Variants in SPEN observed in about 807,000 individuals in gnomAD.
SPEN encodes the protein msx2-interacting protein.
Under a neutral mutation model 269.9 loss-of-function variants are expected in SPEN, and 18 were observed. The observed-to-expected ratio is 0.07, with a 90% confidence interval of 0.05 to 0.10. The LOEUF is 0.10. Among genes scored for constraint, SPEN ranks in the 10% least tolerant of loss-of-function variants. SPEN has a pLI of 1.00. For missense variants in SPEN, 3,822 were observed against 4,631.2 expected (o/e 0.83, Z 5.07); for synonymous variants, 1,726 against 1,765.7 (o/e 0.98, Z 0.56).
chr1:15,884,008 C>T (rs2070713577), intron 3 of SPEN, among the ~76,000 whole-genome samples: 1 of 151,936 alleles, frequency 6.6e-6, no homozygotes, highest in Non-Finnish European at 1.5e-5. Flanking sequence ...ATGGGGGTTT[C>T]ATCATGTTAG....
intron 3 of SPEN, among the ~76,000 whole-genome samples, chr1:15,908,794 T>C (rs986701643): frequency 6.6e-6 from 1 of 152,200 alleles, no homozygotes; most frequent in African/African-American, 2.4e-5. Flanking sequence ...TGGGGGAAAT[T>C]GGGTATGATG....
chr1:15,880,167 G>A (rs575867321), intron 3 of SPEN, among the ~76,000 whole-genome samples: 16 of 152,186 alleles, frequency 1.1e-4, no homozygotes, highest in East Asian at 7.7e-4. Context: ...CCTTCTTACC[G>A]TGGGCTTGGG....
chr1:15,919,785 G>T (rs1374956833), intron 8 of SPEN, among the ~76,000 whole-genome samples: 2 of 152,174 alleles, frequency 1.3e-5, no homozygotes, highest in Admixed American at 1.3e-4. Context: ...ATGTTGCTTA[G>T]GGATTTTTAT....
At position 15,932,527 on chromosome 1, in the gene SPEN, T is replaced by C; in HGVS notation, c.6287T>C (p.Val2096Ala). The C allele has an allele frequency of 6.3e-7, 1 of 1,599,330 alleles. No homozygotes were observed. Among genetic ancestry groups the C allele is most frequent in the Non-Finnish European group, 8.5e-7 (1 of 1,171,040 alleles). ...GACAAATCTGCAAGTCTGAAAAATGTGGATGCTGCTGTCAGTCCCAGGGGG... is the reference window on the plus strand; with the variant it reads ...GACAAATCTGCAAGTCTGAAAAATGCGGATGCTGCTGTCAGTCCCAGGGGG... The part of the protein sequence containing the change: ...AVDKSASLKN[V>A]DAAVSPRGAA... Residue 2096 changes from valine (V) to alanine (A), a missense_variant, in exon 11 of 15, where the codon GTG (valine) becomes GCG (alanine). Physicochemically the swap from Val to Ala is moderately conservative, Grantham distance 64. This residue lies in a region of SPEN where 727 missense variants were observed against 737.9 expected (regional missense o/e 0.99). Coordinates refer to ENST00000375759, the MANE Select transcript of SPEN (RefSeq NM_015001.3). This position sits in a 1 kb window ranked among gnomAD's most constrained non-coding sequence, Gnocchi z 4.2.
Position 15,934,329 on chromosome 1 carries a change from G to A in SPEN, c.8089G>A (p.Val2697Met). Residue 2697 changes from valine to methionine, a missense_variant, in exon 11 of 15, where the codon GTG becomes ATG. Physicochemically the swap from Val to Met is conservative, Grantham distance 21 (BLOSUM62 1). This residue lies in a region of SPEN where 329 missense variants were observed against 431.2 expected (regional missense o/e 0.76). Transcript: ENST00000375759. This position sits in a 1 kb window ranked among gnomAD's most constrained non-coding sequence, Gnocchi z 9.2. ...GCCCGTGAACGTCCTGAAAGGGCCT[G>A]TGAATGTTCTTACGGGGCCAGTGAA... Reference protein sequence around the residue: ...AGPVNVLKGPVNVLTGPVNVL... With the variant: ...AGPVNVLKGPMNVLTGPVNVL... The A allele has an allele frequency of 6.2e-7, 1 of 1,613,878 alleles. No homozygotes were observed. The highest frequency in any genetic ancestry group is 8.5e-7 in the Non-Finnish European group (1 of 1,180,036).
Position 15,931,229 on chromosome 1 carries a change from A to G in SPEN, c.4989A>G (p.Val1663=), listed in dbSNP as rs563981275. ...AGAAGACCACTGGTGACAAAACGGT[A>G]GAGGCGCCTTTGGTAACAGAAGAGA... is the stretch of plus-strand genomic sequence containing the variant. ...ALEKTTGDKT[V]EAPLVTEEKT... The change falls in exon 11 of 15, where the codon GTA becomes GTG. Residue 1663 remains valine, a synonymous_variant. Coordinates refer to ENST00000375759, the MANE Select transcript of SPEN (RefSeq NM_015001.3). This position sits in a 1 kb window ranked among gnomAD's most constrained non-coding sequence, Gnocchi z 4.8. 1.9e-6 allele frequency: 3 copies of G among 1,614,194 alleles called. No homozygotes were observed. The highest frequency in any genetic ancestry group is 2.2e-5 in the East Asian group (1 of 44,888).
At chr1:15,882,460 G>C (rs2070695723) in intron 3 of SPEN, among the ~76,000 whole-genome samples, 1 of 152,062 alleles carries the variant, frequency 6.6e-6, no homozygotes, top group African/African-American at 2.4e-5. Context: ...AGGAATTCAA[G>C]ATCAGCCTGG....
chr1:15,901,624 T>C (rs556337489), intron 3 of SPEN, among the ~76,000 whole-genome samples: 1 of 127,286 alleles, frequency 7.9e-6, no homozygotes, highest in South Asian at 2.5e-4. Flanking sequence ...CACTCCAGCC[T>C]GGGTGACAAA....
At chr1:15,878,726 A>G (rs890449317) in intron 3 of SPEN, among the ~76,000 whole-genome samples, 12 of 152,084 alleles carry the variant, frequency 7.9e-5, no homozygotes, top group Non-Finnish European at 1.8e-4. Flanking sequence ...GTGTTGAGGC[A>G]CTGGGCGTGT....
Position 15,931,986 on chromosome 1 carries a change from A to G in SPEN, c.5746A>G (p.Asn1916Asp), listed in dbSNP as rs980736587. The change falls in exon 11 of 15, where the codon AAC becomes GAC. Residue 1916 changes from asparagine (N) to aspartate (D), a missense_variant. By Grantham distance (23) the Asn-to-Asp change is conservative. Coordinates refer to ENST00000375759, the MANE Select transcript of SPEN (RefSeq NM_015001.3). This position sits in a 1 kb window ranked among gnomAD's most constrained non-coding sequence, Gnocchi z 4.8. Reference protein sequence around the residue: ...SVYATMGDHENRSPVKEPVEQ... With the variant: ...SVYATMGDHEDRSPVKEPVEQ... ...CTATGCAACCATGGGTGACCATGAA[A>G]ACCGCTCTCCTGTCAAAGAGCCCGT... is the stretch of plus-strand genomic sequence containing the variant. 9.3e-6 allele frequency: 15 copies of G among 1,614,104 alleles called. No individual in the cohort carries two copies. The highest frequency in any genetic ancestry group is 2.7e-5 in the African/African-American group (2 of 74,932).
intron 3 of SPEN, among the ~76,000 whole-genome samples, chr1:15,887,341 C>T (rs1485465042): frequency 3.1e-5 from 4 of 130,882 alleles, no homozygotes; most frequent in Non-Finnish European, 6.1e-5. Flanking sequence ...AGTGCAGTGG[C>T]ACGATCTCAG....
rs559397406 is a variant in SPEN at position 15,939,302 on chromosome 1, T to C, written c.10870T>C (p.Tyr3624His). The C allele has an allele frequency of 1.3e-6, 2 of 1,589,298 alleles. No homozygotes were observed. The highest frequency in any genetic ancestry group is 1.1e-5 in the South Asian group (1 of 87,668). Residue 3624 changes from tyrosine to histidine, a missense_variant, in exon 15 of 15, where the codon TAC becomes CAC. This residue lies in a region of SPEN where 103 missense variants were observed against 215.8 expected (regional missense o/e 0.48). Coordinates refer to ENST00000375759, the MANE Select transcript of SPEN (RefSeq NM_015001.3). This position sits in a 1 kb window ranked among gnomAD's most constrained non-coding sequence, Gnocchi z 4.1. ...VPNPGSNQPA[Y>H]VLQIFPPCEF... ...CTCTCTATCCTGTCTCCAGCCTGCC[T>C]ACGTGCTGCAGATCTTCCCGCCCTG...
Position 15,931,794 on chromosome 1 carries a change from C to G in SPEN, c.5554C>G (p.Leu1852Val). 1.2e-6 allele frequency: 2 copies of G among 1,614,204 alleles called. No homozygotes were observed. Among genetic ancestry groups the G allele is most frequent in the Admixed American group, 1.7e-5 (1 of 60,022 alleles). ...GAGTGAGAGGATAGACCGGGAAAAA[C>G]TCAAGCGGTCCAATTCTCCTCGGGG... ...RKSERIDREKLKRSNSPRGEA... is the reference protein window; with the variant it reads ...RKSERIDREKVKRSNSPRGEA... The change falls in exon 11 of 15, where the codon CTC (leucine) becomes GTC (valine). Residue 1852 changes from leucine (L) to valine (V), a missense_variant. Leu to Val is a conservative substitution (Grantham distance 32). This residue lies in a region of SPEN where 533 missense variants were observed against 618.8 expected (regional missense o/e 0.86). Transcript: ENST00000375759. The surrounding 1 kb of genome is among the most constrained non-coding windows in gnomAD (Gnocchi z 4.8).
Position 15,885,796 on chromosome 1 carries a change from AC to A in SPEN, c.881+9119del, listed in dbSNP as rs2070731247. ...GCAGTGTGTGCTTTGGACAAGAAAT[AC>A]ACCAAAAAAACCCTTTTTTTCCCAT... is the stretch of plus-strand genomic sequence containing the variant. On this transcript the variant is annotated intron_variant, in intron 3 of 14. Transcript: ENST00000375759. Among the ~76,000 whole-genome samples the A allele has an allele frequency of 4.6e-5, 7 of 152,292 alleles. 1 individual carries two copies. The South Asian group carries it at 1.4e-3, about 32-fold the overall frequency.
intron 3 of SPEN, among the ~76,000 whole-genome samples, chr1:15,877,297 C>A (rs1393336621): frequency 6.6e-6 from 1 of 152,158 alleles, no homozygotes; most frequent in African/African-American, 2.4e-5. Context: ...TAAAGACAGT[C>A]TCACTGTGTC....
rs766719119 is a variant in SPEN at position 15,933,385 on chromosome 1, A to G, written c.7145A>G (p.Gln2382Arg). Residue 2382 changes from glutamine (Q) to arginine (R), a missense_variant, in exon 11 of 15, where the codon CAG becomes CGG. By Grantham distance (43) the Gln-to-Arg change is conservative (BLOSUM62 1). Transcript: ENST00000375759. The surrounding 1 kb of genome is among the most constrained non-coding windows in gnomAD (Gnocchi z 5.7). ...GTTVQHPEAP[Q>R]EEKQSEKPHS... ...ACAGTACAGCACCCCGAAGCCCCAC[A>G]GGAAGAAAAGCAGAGTGAGAAACCC... 1 of 1,614,194 alleles carries G rather than the reference A, an allele frequency of 6.2e-7. No homozygotes were observed. The highest frequency in any genetic ancestry group is 8.5e-7 in the Non-Finnish European group (1 of 1,180,028).
chr1:15,895,229 T>G (rs1425178400), intron 3 of SPEN, among the ~76,000 whole-genome samples: 1 of 152,156 alleles, frequency 6.6e-6, no homozygotes, highest in Non-Finnish European at 1.5e-5. Context: ...GGCCTCATTT[T>G]AACCATTTTT....
intron 3 of SPEN, among the ~76,000 whole-genome samples, chr1:15,899,537 GTTTTTTT>G (rs34565365): frequency 7.2e-5 from 6 of 83,420 alleles, no homozygotes; most frequent in Admixed American, 1.6e-4. Context: ...ATGTGGCAGA[GTTTTTTT>G]TTTTTTTTTT....
At chr1:15,877,483 C>T (rs143195761) in intron 3 of SPEN, among the ~76,000 whole-genome samples, 8 of 152,298 alleles carry the variant, frequency 5.3e-5, no homozygotes, top group Admixed American at 6.5e-5. Context: ...CCAGGCTGTT[C>T]TTGAACTCCT....
Sources: gnomAD v4.1 joint callset for allele counts (sites outside exome capture counted in the v4.1 genomes callset) on GRCh38, gnomAD v4.1.1 for gene constraint, gnomAD v4.1.1 regional missense constraint, Gnocchi (gnomAD v3.1) non-coding constraint, MANE v1.5 for transcripts, NCBI Gene and HGNC (gene_info 2026-07-23, HGNC 2026-07-21) for gene names.